The following SLA2 variants were observed in gnomAD, a reference collection of about 807,000 sequenced individuals.
The protein encoded by SLA2 is src-like-adapter 2.
SLA2 carries 22 observed loss-of-function variants against 27.3 expected under a neutral mutation model. That is an observed-to-expected ratio of 0.81 (90% CI 0.58 to 1.15). SLA2 has a LOEUF of 1.15. Ranked by LOEUF, SLA2 falls within the 50% of genes most tolerant of loss-of-function variation. The probability of loss-of-function intolerance (pLI) is 0.00; values close to 1 mark genes in which losing one functional copy is unlikely to be tolerated. For synonymous variants in SLA2, 131 were observed against 137.8 expected, an observed-to-expected ratio of 0.95 and a Z score of 0.34; for missense variants, 304 against 322.2, an observed-to-expected ratio of 0.94 and a Z score of 0.43.
chr20:36,628,844 C>G (rs748207951), intron 5 of SLA2, among the ~76,000 whole-genome samples: 1 of 152,058 alleles, frequency 6.6e-6, no homozygotes, highest in African/African-American at 2.4e-5. Flanking sequence ...GTGTGAGACA[C>G]TGCACCTGGC....
intron 3 of SLA2, among the ~76,000 whole-genome samples, chr20:36,634,107 C>A (rs1401254358): frequency 1.3e-5 from 2 of 152,012 alleles, no homozygotes. Context: ...CCTGCCTCAG[C>A]CTCCCAAGTA....
In SLA2 at chr20:36,612,508, A is replaced by ATTGTAGAATGTTTT; in HGVS notation, c.*1344_*1357dup. On this transcript the variant is annotated 3_prime_UTR_variant, in exon 8 of 8. Transcript: ENST00000262866. ...CATGCAGCATCTAATAAGAGTTTCCATTGTAGAATGTTTTCACATACTTGA... is the reference window on the plus strand; with the variant it reads ...CATGCAGCATCTAATAAGAGTTTCCATTGTAGAATGTTTTTTGTAGAATGTTTTCACATACTTGA... 1 of 449,970 alleles carries ATTGTAGAATGTTTT rather than the reference A, an allele frequency of 2.2e-6. No homozygotes were observed. The highest frequency in any genetic ancestry group is 4.1e-6 in the Non-Finnish European group (1 of 244,922). The allele number at this position is 449,970 out of a possible 1,614,324, so 27.9% of individuals were successfully genotyped here. A position where few individuals can be genotyped will look rare whatever the true frequency, so the allele number is the denominator to read the frequency against.
intron 5 of SLA2, among the ~76,000 whole-genome samples, chr20:36,624,321 C>T (rs1186288343): frequency 6.6e-6 from 1 of 152,156 alleles, no homozygotes; most frequent in East Asian, 1.9e-4. Flanking sequence ...CTAAACTCGC[C>T]ACTCCCCTCA....
chr20:36,627,545 G>C (rs2039351628), intron 5 of SLA2, among the ~76,000 whole-genome samples: 1 of 152,222 alleles, frequency 6.6e-6, no homozygotes, highest in Admixed American at 6.5e-5. Flanking sequence ...GGACAGAGGT[G>C]AGCCCTGCAG....
chr20:36,633,246 C>CA (rs2039410320), intron 4 of SLA2, among the ~76,000 whole-genome samples: 2 of 152,244 alleles, frequency 1.3e-5, no homozygotes, highest in South Asian at 4.1e-4. Context: ...CCTCACGCCA[C>CA]ATGCTGCCAT....
chr20:36,622,914 T>TG (rs977400181), intron 5 of SLA2, among the ~76,000 whole-genome samples: 8 of 152,190 alleles, frequency 5.3e-5, no homozygotes, highest in Admixed American at 6.6e-5. Flanking sequence ...TGAACATTGT[T>TG]GGGGGGGATG....
chr20:36,635,587 G>A (rs536747998), intron 2 of SLA2, among the ~76,000 whole-genome samples: 3 of 152,098 alleles, frequency 2.0e-5, no homozygotes, highest in Admixed American at 6.6e-5. Context: ...TCCCAGACAC[G>A]TGTGGAGACC....
At chr20:36,618,151 A>G (rs978258362) in intron 5 of SLA2, among the ~76,000 whole-genome samples, 5 of 152,132 alleles carry the variant, frequency 3.3e-5, no homozygotes, top group African/African-American at 1.2e-4. Flanking sequence ...CGTCTCAAAA[A>G]AAAAAAAAAA....
rs1002870928 is a variant in SLA2 at position 36,619,943 on chromosome 20, T to A, written c.383-4569A>T. Among the ~76,000 whole-genome samples, 8 of 151,524 alleles carry A rather than the reference T, an allele frequency of 5.3e-5. No individual in the cohort carries two copies. The East Asian group carries it at 6.0e-4, about 11-fold the overall frequency. On this transcript the variant is annotated intron_variant, in intron 5 of 7. Coordinates refer to ENST00000262866, the MANE Select transcript of SLA2 (RefSeq NM_032214.4). ...CACCGTGCCTGGCCAAAAAAAAATTTTTTTTTAATTAACCAGGTGTGGTGG... is the reference window on the plus strand; with the variant it reads ...CACCGTGCCTGGCCAAAAAAAAATTATTTTTTAATTAACCAGGTGTGGTGG...
At chr20:36,633,460 G>T in intron 4 of SLA2, 83 bp downstream of exon 4, 2 of 1,217,984 alleles carry the variant, frequency 1.6e-6, no homozygotes, top group Non-Finnish European at 2.4e-6. Context: ...GCTTTGCTCA[G>T]CGCAGAGCCG....
At chr20:36,627,362 C>T (rs1350766655) in intron 5 of SLA2, among the ~76,000 whole-genome samples, 1 of 152,174 alleles carries the variant, frequency 6.6e-6, no homozygotes, top group Non-Finnish European at 1.5e-5. Context: ...TAAGGAGCTG[C>T]ATGTGAGAAG....
At chr20:36,622,864 A>G (rs1164695186) in intron 5 of SLA2, among the ~76,000 whole-genome samples, 2 of 152,196 alleles carry the variant, frequency 1.3e-5, no homozygotes, top group Non-Finnish European at 2.9e-5. Context: ...TCTTTTTGCA[A>G]TGTAAGGTAA....
rs1383611976 is a variant in SLA2 at position 36,636,314 on chromosome 20, G to C, written c.92-1725C>G. ...CGGGCGCCTGTAGTCCCAGCTACTC[G>C]GGAGGCTGAGGCAGGAGAATGGCGT... On this transcript the variant is annotated intron_variant, in intron 2 of 7. Coordinates refer to ENST00000262866, the MANE Select transcript of SLA2 (RefSeq NM_032214.4). Among the ~76,000 whole-genome samples, 202 of 144,958 alleles carry C rather than the reference G, an allele frequency of 1.4e-3. 1 individual carries two copies. Among genetic ancestry groups the C allele is most frequent in the African/African-American group, 2.3e-3 (88 of 38,346 alleles).
chr20:36,633,976 A>G (rs1180336318), intron 3 of SLA2, among the ~76,000 whole-genome samples: 1 of 150,796 alleles, frequency 6.6e-6, no homozygotes, highest in African/African-American at 2.4e-5. Flanking sequence ...CCGGGACAGT[A>G]TCTCTAATTC....
chr20:36,644,927 C>A (rs1378173439), intron 1 of SLA2, among the ~76,000 whole-genome samples: 1 of 141,742 alleles, frequency 7.1e-6, no homozygotes, highest in Non-Finnish European at 1.5e-5. Context: ...GATACAGTGA[C>A]CAAGTCCCTG....
chr20:36,638,398 G>T (rs895261365), intron 2 of SLA2, among the ~76,000 whole-genome samples: 59 of 152,016 alleles, frequency 3.9e-4, no homozygotes, highest in African/African-American at 1.3e-3. Context: ...GCTCGATCTT[G>T]GCTCACTGCA....
At chr20:36,638,191 G>C (rs759786348) in intron 2 of SLA2, among the ~76,000 whole-genome samples, 3 of 151,700 alleles carry the variant, frequency 2.0e-5, no homozygotes, top group Non-Finnish European at 4.4e-5. Context: ...CCTGAAGTTT[G>C]CTTTTTTTTT....
intron 5 of SLA2, among the ~76,000 whole-genome samples, chr20:36,630,922 G>A (rs1330379079): frequency 2.0e-5 from 3 of 152,172 alleles, no homozygotes; most frequent in Admixed American, 6.5e-5. Flanking sequence ...ACAGTGGAGC[G>A]AGGAGGATCC....
At chr20:36,633,747 G>A in intron 3 of SLA2, 118 bp from the exon 4 acceptor site, 5 of 776,642 alleles carry the variant, frequency 6.4e-6, no homozygotes, top group Non-Finnish European at 1.1e-5. Context: ...TGTCCTGCCT[G>A]TTTCCCAGGC....
Sources: allele counts gnomAD v4.1 joint callset (sites outside exome capture counted in the v4.1 genomes callset), GRCh38; gene constraint gnomAD v4.1.1; transcripts MANE v1.5; gene names NCBI Gene and HGNC (gene_info 2026-07-23, HGNC 2026-07-21).